NFATC3: variants seen among roughly 807,000 people sequenced by gnomAD.
NFATC3 encodes the protein nuclear factor of activated T-cells, cytoplasmic 3.
NFATC3 carries 46 observed loss-of-function variants against 98.6 expected under a neutral mutation model. That is an observed-to-expected ratio of 0.47 (90% CI 0.37 to 0.60). The LOEUF is 0.60. Among genes scored for constraint, NFATC3 ranks in the 20% least tolerant of loss-of-function variants. NFATC3 has a pLI of 0.00. For synonymous variants in NFATC3, 512 were observed against 472.2 expected (o/e 1.08, Z -1.09); for missense variants, 1,256 against 1,295.5 (o/e 0.97, Z 0.47).
At chr16:68,152,810 A>G (rs556882565) in intron 3 of NFATC3, among the ~76,000 whole-genome samples, 1 of 152,242 alleles carries the variant, frequency 6.6e-6, no homozygotes, top group Non-Finnish European at 1.5e-5. Flanking sequence ...ACCATCCATA[A>G]TGATTGTTTT....
chr16:68,211,061 T>C (rs896916907), intron 9 of NFATC3, among the ~76,000 whole-genome samples: 4 of 152,034 alleles, frequency 2.6e-5, no homozygotes, highest in Non-Finnish European at 5.9e-5. Flanking sequence ...CCACTGTGCC[T>C]AGCCTTTTCT....
At chr16:68,180,023 A>G (rs921609460) in intron 6 of NFATC3, among the ~76,000 whole-genome samples, 2 of 152,194 alleles carry the variant, frequency 1.3e-5, no homozygotes, top group African/African-American at 4.8e-5. Flanking sequence ...TTTCATTAAC[A>G]AAGACACAGC....
At position 68,168,678 on chromosome 16, in the gene NFATC3, G is replaced by T. The variant is rs946131131; in HGVS notation, c.1774+1663G>T. Among the ~76,000 whole-genome samples, 3 of 151,070 alleles carry T rather than the reference G, an allele frequency of 2.0e-5. No individual in the cohort carries two copies. In the East Asian group the frequency reaches 5.9e-4, roughly 30 times the overall value. On this transcript the variant is annotated intron_variant, in intron 5 of 9. Coordinates refer to ENST00000346183, the MANE Select transcript of NFATC3 (RefSeq NM_173165.3). ...TTTTTGTATTTTTAGTAGAGACGGG[G>T]TTTCACCATATTCACCAGGCTAGTC... is the stretch of plus-strand genomic sequence containing the variant.
chr16:68,145,150 T>G (rs1459615687), intron 3 of NFATC3, among the ~76,000 whole-genome samples: 3 of 150,888 alleles, frequency 2.0e-5, no homozygotes, highest in African/African-American at 4.9e-5. Context: ...TTTTTTTTTT[T>G]GTGATAGGGT....
At position 68,191,369 on chromosome 16, in the gene NFATC3, C is replaced by T. The variant is rs2040410357; in HGVS notation, c.2700C>T (p.Asp900=). 6.2e-7 allele frequency: 1 copy of T among 1,614,072 alleles called. No individual in the cohort carries two copies. Among genetic ancestry groups the T allele is most frequent in the Non-Finnish European group, 8.5e-7 (1 of 1,180,054 alleles). The part of the protein sequence containing the change: ...GQRSLSSPVA[D]QITGQPSSQL... The stretch of plus-strand genomic sequence containing the variant: ...GATCTCTTTCTTCTCCAGTGGCTGA[C>T]CAGATTACAGGTCAGCCTTCGTCTC... The change falls in exon 9 of 10, where the codon GAC becomes GAT. Residue 900 remains aspartate (D), a synonymous_variant. Coordinates refer to ENST00000346183, the MANE Select transcript of NFATC3 (RefSeq NM_173165.3).
chr16:68,203,081 A>G (rs938806036), intron 9 of NFATC3, among the ~76,000 whole-genome samples: 20 of 152,152 alleles, frequency 1.3e-4, no homozygotes, highest in African/African-American at 2.7e-4. Context: ...AATAATGCCT[A>G]TGTAGGCTTT....
intron 2 of NFATC3, among the ~76,000 whole-genome samples, chr16:68,124,580 G>A (rs1386245845): frequency 6.6e-6 from 1 of 151,260 alleles, no homozygotes; most frequent in Non-Finnish European, 1.5e-5. Context: ...GACTACAGGC[G>A]TCCGGCACCA....
At chr16:68,156,860 A>T (rs760614108) in intron 3 of NFATC3, among the ~76,000 whole-genome samples, 30 of 151,814 alleles carry the variant, frequency 2.0e-4, no homozygotes, top group Non-Finnish European at 3.7e-4. Context: ...AATCGCTTGA[A>T]CCCAGGAGGC....
intron 4 of NFATC3, among the ~76,000 whole-genome samples, chr16:68,159,735 T>G (rs1180695750): frequency 6.6e-6 from 1 of 151,602 alleles, no homozygotes; most frequent in East Asian, 2.0e-4. Context: ...CAGACCTTTC[T>G]TAAGGCAGGA....
At chr16:68,089,219 T>C in intron 1 of NFATC3, 1 of 985,378 alleles carries the variant, frequency 1.0e-6, no homozygotes, top group Middle Eastern at 5.2e-4. Flanking sequence ...GGATAGAGAG[T>C]GAGGACAAGC....
At chr16:68,123,961 G>A (rs2036689025) in intron 2 of NFATC3, among the ~76,000 whole-genome samples, 1 of 151,648 alleles carries the variant, frequency 6.6e-6, no homozygotes, top group Non-Finnish European at 1.5e-5. Context: ...TGCAGCCTGG[G>A]TGAAAGCAAG....
At chr16:68,101,879 C>G (rs2035385100) in intron 1 of NFATC3, among the ~76,000 whole-genome samples, 1 of 152,116 alleles carries the variant, frequency 6.6e-6, no homozygotes, top group Admixed American at 6.6e-5. Context: ...CTCTCAGAGC[C>G]TTCTAAACTA....
At chr16:68,182,010 CAGTT>C (rs1567537237) in intron 7 of NFATC3, among the ~76,000 whole-genome samples, 1 of 152,084 alleles carries the variant, frequency 6.6e-6, no homozygotes, top group Non-Finnish European at 1.5e-5. Flanking sequence ...AAAAGATAAC[CAGTT>C]AGTGTCTTCT....
chr16:68,185,595 G>T (rs2040156673), intron 8 of NFATC3, among the ~76,000 whole-genome samples: 1 of 152,134 alleles, frequency 6.6e-6, no homozygotes, highest in South Asian at 2.1e-4. Flanking sequence ...CAAACCAGGG[G>T]CCGGGCGCGG....
rs1159074027 is a variant in NFATC3 at position 68,181,513 on chromosome 16, A to G, written c.1954A>G (p.Arg652Gly). ...GTGGGAGGTAGAAGGGAAGATAATC[A>G]GGGAAAAATGTCAAGGGGTAAGAAA... ...PQWEVEGKII[R>G]EKCQGAHIVL... is the part of the protein sequence containing the mutation. The change falls in exon 7 of 10, where the codon AGG becomes GGG. Residue 652 changes from arginine (R) to glycine (G), a missense_variant. By Grantham distance (125) the Arg-to-Gly change is moderately radical. This residue lies in a region of NFATC3 where 636 missense variants were observed against 617.3 expected (regional missense o/e 1.03). Transcript: ENST00000346183. The G allele has an allele frequency of 2.5e-6, 4 of 1,610,908 alleles. No homozygotes were observed. The highest frequency in any genetic ancestry group is 1.1e-5 in the South Asian group (1 of 90,988).
chr16:68,195,351 G>A (rs1186510887), intron 9 of NFATC3, among the ~76,000 whole-genome samples: 2 of 152,146 alleles, frequency 1.3e-5, no homozygotes, highest in Non-Finnish European at 2.9e-5. Context: ...CTTAATAGAA[G>A]CTCAGTGCTG....
At chr16:68,161,667 G>A (rs1004369828) in intron 4 of NFATC3, among the ~76,000 whole-genome samples, 2 of 152,084 alleles carry the variant, frequency 1.3e-5, no homozygotes, top group Non-Finnish European at 1.5e-5. Flanking sequence ...AGTCAAGCCC[G>A]TTTACAGTAA....
chr16:68,214,687 A>C (rs2041563438), intron 9 of NFATC3, among the ~76,000 whole-genome samples: 1 of 152,178 alleles, frequency 6.6e-6, no homozygotes, highest in South Asian at 2.1e-4. Context: ...TATTAGACCA[A>C]AGCAGAAAGA....
chr16:68,132,851 G>T (rs1045870104), intron 3 of NFATC3, among the ~76,000 whole-genome samples: 1 of 152,146 alleles, frequency 6.6e-6, no homozygotes, highest in East Asian at 1.9e-4. Context: ...GTTATCAGAG[G>T]CTGAGAAAGG....
Sources: gnomAD v4.1 joint callset for allele counts (sites outside exome capture counted in the v4.1 genomes callset) on GRCh38, gnomAD v4.1.1 for gene constraint, gnomAD v4.1.1 regional missense constraint, MANE v1.5 for transcripts, NCBI Gene and HGNC (gene_info 2026-07-23, HGNC 2026-07-21) for gene names.